PREX1: variants seen among roughly 807,000 people sequenced by gnomAD.
PREX1 encodes the protein phosphatidylinositol-3,4,5-trisphosphate dependent Rac exchange factor 1.
PREX1 carries 41 observed loss-of-function variants against 198.3 expected under a neutral mutation model. That is an observed-to-expected ratio of 0.21 (90% CI 0.16 to 0.27). The LOEUF (loss-of-function observed/expected upper bound fraction) is 0.27, where lower values mean the gene tolerates loss of function less well. Among genes scored for constraint, PREX1 ranks in the 10% least tolerant of loss-of-function variants. PREX1 has a pLI of 1.00. For synonymous variants in PREX1, 843 were observed against 887.2 expected, an observed-to-expected ratio of 0.95 and a Z score of 0.89; for missense variants, 1,620 against 2,200.7, an observed-to-expected ratio of 0.74 and a Z score of 5.28.
chr20:48,779,000 A>G lies in PREX1; in HGVS notation c.220-31120T>C, dbSNP rs6019416. Among the ~76,000 whole-genome samples, 213 of 152,370 alleles carry G rather than the reference A, an allele frequency of 1.4e-3. 1 individual carries two copies. Among genetic ancestry groups the G allele is most frequent in the African/African-American group, 5.0e-3 (206 of 41,592 alleles). ...AAAAAGCAAGATCCGTAAAAGAAGA[A>G]AAGGGATAAATTAGAACAAAAATGA... On this transcript the variant is annotated intron_variant, in intron 1 of 39. Coordinates refer to ENST00000371941, the MANE Select transcript of PREX1 (RefSeq NM_020820.4).
intron 1 of PREX1, among the ~76,000 whole-genome samples, chr20:48,776,404 C>A (rs1362120903): frequency 6.6e-6 from 1 of 152,216 alleles, no homozygotes; most frequent in East Asian, 1.9e-4. Context: ...GAGGTGGCAC[C>A]TGGCAACCAG....
intron 5 of PREX1, among the ~76,000 whole-genome samples, chr20:48,712,603 C>A (rs1601091806): frequency 6.6e-6 from 1 of 152,142 alleles, no homozygotes; most frequent in Non-Finnish European, 1.5e-5. Context: ...TCTATCTGTC[C>A]GCCTCTATCT....
chr20:48,837,318 T>G, the PREX1 span, among the ~76,000 whole-genome samples: 1 of 152,212 alleles, frequency 6.6e-6, no homozygotes, highest in Non-Finnish European at 1.5e-5. Flanking sequence ...ATGCTGTTAC[T>G]GGGTACTACC....
chr20:48,634,368 T>C (rs2089344613), intron 33 of PREX1, among the ~76,000 whole-genome samples: 1 of 152,220 alleles, frequency 6.6e-6, no homozygotes, highest in Non-Finnish European at 1.5e-5. Flanking sequence ...TTAAGCCCTT[T>C]AAAAATCTTA....
intron 1 of PREX1, among the ~76,000 whole-genome samples, chr20:48,782,301 A>AT (rs1008968746): frequency 6.6e-6 from 1 of 152,164 alleles, no homozygotes. Context: ...TTCTCGTGGT[A>AT]TTGAATAAGT....
intron 20 of PREX1, 82 bp from the exon 21 acceptor site, chr20:48,652,788 T>C: frequency 6.8e-7 from 1 of 1,464,082 alleles, no homozygotes; most frequent in South Asian, 1.3e-5. Context: ...GAACTGCCCC[T>C]GGGTTCCAGA....
rs546805996 is a variant in PREX1 at position 48,803,756 on chromosome 20, G to A, written c.219+23886C>T. ...ACACTGACGAACCTGTGACCCAGGC[G>A]TGGGCAATCAGAGCTCTGGGGCCCT... On this transcript the variant is annotated intron_variant, in intron 1 of 39. Transcript: ENST00000371941. Among the ~76,000 whole-genome samples, 69 of 152,304 alleles carry A rather than the reference G, an allele frequency of 4.5e-4. 1 individual carries two copies. The highest frequency in any genetic ancestry group is 1.6e-3 in the African/African-American group (67 of 41,574).
At chr20:48,792,733 G>A (rs1481672683) in intron 1 of PREX1, among the ~76,000 whole-genome samples, 3 of 148,532 alleles carry the variant, frequency 2.0e-5, no homozygotes, top group African/African-American at 7.5e-5. Flanking sequence ...TCCATATAAT[G>A]GAATATGATA....
chr20:48,782,487 T>C (rs1400503506), intron 1 of PREX1, among the ~76,000 whole-genome samples: 1 of 148,174 alleles, frequency 6.7e-6, no homozygotes, highest in Non-Finnish European at 1.5e-5. Context: ...GTCTCGAGTA[T>C]GTCTTTATCA....
intron 7 of PREX1, among the ~76,000 whole-genome samples, chr20:48,694,493 C>T (rs1057470722): frequency 6.6e-6 from 1 of 152,122 alleles, no homozygotes; most frequent in African/African-American, 2.4e-5. Context: ...AGAGACAGTC[C>T]CTAAGCAAGG....
chr20:48,651,055 T>C lies in PREX1; in HGVS notation c.2656A>G (p.Ile886Val), dbSNP rs747490945. 3.7e-6 allele frequency: 6 copies of C among 1,613,712 alleles called. No homozygotes were observed. In the Admixed American group the frequency reaches 1.0e-4, roughly 27 times the overall value. ...PRGCFGLTAK[I>V]LEAFAANDSV... is the part of the protein sequence containing the mutation. ...TCATTGGCAGCAAAGGCCTCGAGGA[T>C]CTGCAGAAATGTCAACAGCTACTGA... The change falls in exon 23 of 40, where the codon ATC (isoleucine) becomes GTC (valine). Residue 886 changes from isoleucine (I) to valine (V), a missense_variant and splice_region_variant. This residue lies in a region of PREX1 where 514 missense variants were observed against 611.6 expected (regional missense o/e 0.84). Transcript: ENST00000371941.
chr20:48,839,873 C>G, the PREX1 span, among the ~76,000 whole-genome samples: 1 of 152,232 alleles, frequency 6.6e-6, no homozygotes, highest in African/African-American at 2.4e-5. Flanking sequence ...AACTCTCAGT[C>G]TGGGTCTGAA....
chr20:48,660,279 C>T lies in PREX1; in HGVS notation c.1739-218G>A, dbSNP rs1228052592. On this transcript the variant is annotated intron_variant, in intron 15 of 39. Coordinates refer to ENST00000371941, the MANE Select transcript of PREX1 (RefSeq NM_020820.4). ...CTTCTCTTGAAAAGTCTGAACTTGC[C>T]TCACCTGCTATAAAAAGACATTAAT... 6.6e-5 allele frequency among the ~76,000 whole-genome samples: 10 copies of T among 152,200 alleles called. No individual in the cohort carries two copies. In the East Asian group the frequency reaches 1.9e-3, roughly 29 times the overall value.
rs375970983 is a variant in PREX1, at chr20:48,646,189, TC to T, written c.3306-133del. The stretch of plus-strand genomic sequence containing the variant: ...GGGGGTGGGAGACTCGCAAGTTCTT[TC>T]ACGGCCAAGCTACACAAGGCTCTAC... On this transcript the variant is annotated intron_variant, in intron 25 of 39. Coordinates refer to ENST00000371941, the MANE Select transcript of PREX1 (RefSeq NM_020820.4). 2.8e-5 allele frequency: 24 copies of T among 859,626 alleles called. No individual in the cohort carries two copies. The African/African-American group carries it at 3.2e-4, about 11-fold the overall frequency. 53.2% of individuals were successfully genotyped at this position (859,626 alleles called of 1,614,324 possible).
Position 48,633,164 on chromosome 20 carries a change from G to C in PREX1, c.4268-525C>G, listed in dbSNP as rs192488615. Among the ~76,000 whole-genome samples, 146 of 152,260 alleles carry C rather than the reference G, an allele frequency of 9.6e-4. 1 individual carries two copies. The highest frequency in any genetic ancestry group is 3.2e-3 in the African/African-American group (131 of 41,566). On this transcript the variant is annotated intron_variant, in intron 33 of 39. Coordinates refer to ENST00000371941, the MANE Select transcript of PREX1 (RefSeq NM_020820.4). ...GACATCACTCATCGATCAAAGCTCTGCCCGAGCCAATCTCAGCCTGGAGAC... is the reference window on the plus strand; with the variant it reads ...GACATCACTCATCGATCAAAGCTCTCCCCGAGCCAATCTCAGCCTGGAGAC...
intron 39 of PREX1, 122 bp downstream of exon 39, chr20:48,627,426 C>T (rs1452177886): frequency 8.8e-7 from 1 of 1,130,566 alleles, no homozygotes; most frequent in Non-Finnish European, 1.3e-6. Flanking sequence ...AGAGGTTCCC[C>T]ATAAATGAGA....
At chr20:48,739,835 C>G (rs572038647) in intron 3 of PREX1, among the ~76,000 whole-genome samples, 24 of 152,236 alleles carry the variant, frequency 1.6e-4, no homozygotes, top group Non-Finnish European at 2.8e-4. Context: ...ATAACTTAAT[C>G]TCTCTGGGCC....
At chr20:48,734,763 G>T in intron 3 of PREX1, 113 bp from the exon 4 acceptor site, 1 of 814,060 alleles carries the variant, frequency 1.2e-6, no homozygotes, top group Admixed American at 2.1e-5. Flanking sequence ...CCTGACCCAG[G>T]AGAAGCTACA....
chr20:48,645,119 C>T (rs902435051), intron 26 of PREX1, among the ~76,000 whole-genome samples: 6 of 152,356 alleles, frequency 3.9e-5, no homozygotes, highest in African/African-American at 1.2e-4. Context: ...GAGCAGCCAA[C>T]GGGGGATCAG....
Sources: gnomAD v4.1 joint callset for allele counts (sites outside exome capture counted in the v4.1 genomes callset) on GRCh38, gnomAD v4.1.1 for gene constraint, gnomAD v4.1.1 regional missense constraint, MANE v1.5 for transcripts, NCBI Gene and HGNC (gene_info 2026-07-23, HGNC 2026-07-21) for gene names.